The following OVOL3 variants were observed in gnomAD, a reference collection of about 807,000 sequenced individuals.
OVOL3 encodes putative transcription factor ovo-like protein 3.
OVOL3 carries 15 observed loss-of-function variants against 13.6 expected under a neutral mutation model. The ratio of observed to expected loss-of-function variants is 1.11; its 90% CI spans 0.74 to 1.70. The LOEUF is 1.70. Ranked by LOEUF, OVOL3 falls within the 40% of genes most tolerant of loss-of-function variation. The pLI is 0.00. For missense variants in OVOL3, 290 were observed against 280.6 expected, an observed-to-expected ratio of 1.03 and a Z score of -0.24; for synonymous variants, 102 against 108.5, an observed-to-expected ratio of 0.94 and a Z score of 0.37.
rs950796468 is a variant in OVOL3 at position 36,112,928 on chromosome 19, G to A, written c.328G>A (p.Ala110Thr). ...CRCCGKGFHD[A>T]FDLKRHMRTH... is the part of the protein sequence containing the mutation. ...CTGTTGTGGCAAGGGCTTTCATGAC[G>A]CCTTCGATCTCAAGCGCCACATGAG... Residue 110 changes from alanine to threonine, a missense_variant, in exon 3 of 4, where the codon GCC (alanine) becomes ACC (threonine). Coordinates refer to ENST00000633214, the MANE Select transcript of OVOL3 (RefSeq NM_001302757.2). 2.9e-5 allele frequency: 44 copies of A among 1,536,186 alleles called. No individual in the cohort carries two copies. The highest frequency in any genetic ancestry group is 3.7e-5 in the Non-Finnish European group (42 of 1,146,954).
Position 36,113,449 on chromosome 19 carries a change from G to T in OVOL3, c.365-4G>T, listed in dbSNP as rs1973874669. On this transcript the variant is annotated splice_polypyrimidine_tract_variant and splice_region_variant and intron_variant, in intron 3 of 3. Transcript: ENST00000633214. ...AGCCCTCCCCTCTGCGCCCATCTGT[G>T]CAGGGATCCGGCCCTTCCGCTGCAG... The T allele has an allele frequency of 6.5e-7, 1 of 1,533,728 alleles. No homozygotes were observed. The highest frequency in any genetic ancestry group is 2.0e-5 in the Admixed American group (1 of 50,960).
At position 36,113,472 on chromosome 19, in the gene OVOL3, C is replaced by G; in HGVS notation, c.384C>G (p.Cys128Trp). Residue 128 changes from cysteine (C) to tryptophan (W), a missense_variant, in exon 4 of 4, where the codon TGC becomes TGG. By Grantham distance (215) the Cys-to-Trp change is radical. Transcript: ENST00000633214. Reference protein sequence around the residue: ...RTHTGIRPFRCSACGKAFTQR... With the variant: ...RTHTGIRPFRWSACGKAFTQR... ...GTGCAGGGATCCGGCCCTTCCGCTG[C>G]AGTGCTTGCGGGAAAGCGTTTACGC... 6.5e-7 allele frequency: 1 copy of G among 1,535,426 alleles called. No individual in the cohort carries two copies. Among genetic ancestry groups the G allele is most frequent in the Non-Finnish European group, 8.7e-7 (1 of 1,146,290 alleles).
At chr19:36,112,722 TCCAG>T (rs1461744840) in intron 2 of OVOL3, 34 bp from the exon 3 acceptor site, 1 of 1,491,628 alleles carries the variant, frequency 6.7e-7, no homozygotes, top group Non-Finnish European at 9.0e-7. Context: ...GTGGATGGGG[TCCAG>T]CCAGAGAGGC....
At position 36,112,751 on chromosome 19, in the gene OVOL3, T is replaced by A. The variant is rs1231967201; in HGVS notation, c.160-9T>A. The A allele has an allele frequency of 1.3e-6, 2 of 1,531,190 alleles. No homozygotes were observed. Among genetic ancestry groups the A allele is most frequent in the African/African-American group, 2.7e-5 (2 of 73,030 alleles). 94.9% of individuals were successfully genotyped at this position (1,531,190 alleles called of 1,614,324 possible). A position where few individuals can be genotyped will look rare whatever the true frequency, so the allele number is the denominator to read the frequency against. On this transcript the variant is annotated splice_polypyrimidine_tract_variant and intron_variant, in intron 2 of 3. Transcript: ENST00000633214. ...GCCAGAGAGGCTAATAACTCCTGCATCCCTCCAGCAGCCCACACAGGGCAA... is the reference window on the plus strand; with the variant it reads ...GCCAGAGAGGCTAATAACTCCTGCAACCCTCCAGCAGCCCACACAGGGCAA...
intron 3 of OVOL3, 144 bp from the exon 4 acceptor site, chr19:36,113,309 G>A (rs2145902075): frequency 1.2e-6 from 1 of 853,602 alleles, no homozygotes; most frequent in East Asian, 2.7e-5. Flanking sequence ...GACGGTAGCA[G>A]ATGGTGGGTC....
At chr19:36,112,419 C>G (rs970797392) in intron 2 of OVOL3, among the ~76,000 whole-genome samples, 4 of 152,040 alleles carry the variant, frequency 2.6e-5, no homozygotes, top group African/African-American at 7.2e-5. Context: ...CGTGGGGAGG[C>G]TGAGGCACTA....
At position 36,113,666 on chromosome 19, in the gene OVOL3, G is replaced by A; in HGVS notation, c.*5G>A. The A allele has an allele frequency of 6.5e-7, 1 of 1,549,426 alleles. No homozygotes were observed. Among genetic ancestry groups the A allele is most frequent in the Non-Finnish European group, 8.7e-7 (1 of 1,145,690 alleles). ...GCCCTGCACCGCGCAGCCTGATACG[G>A]TGTGCCAGCGTCCTCCCCACGAGGC... On this transcript the variant is annotated 3_prime_UTR_variant, in exon 4 of 4. Coordinates refer to ENST00000633214, the MANE Select transcript of OVOL3 (RefSeq NM_001302757.2).
intron 2 of OVOL3, chr19:36,111,929 A>C (rs936057513): frequency 1.1e-5 from 5 of 442,504 alleles, no homozygotes; most frequent in Non-Finnish European, 2.3e-5. Flanking sequence ...ATAGACAATA[A>C]AATTAGTCAG....
At position 36,113,438 on chromosome 19, in the gene OVOL3, C is replaced by T. The variant is rs748107757; in HGVS notation, c.365-15C>T. The T allele has an allele frequency of 5.9e-6, 9 of 1,528,678 alleles. No homozygotes were observed. The highest frequency in any genetic ancestry group is 7.9e-6 in the Non-Finnish European group (9 of 1,140,858). The allele number at this position is 1,528,678 out of a possible 1,614,324, so 94.7% of individuals were successfully genotyped here. A position where few individuals can be genotyped will look rare whatever the true frequency, so the allele number is the denominator to read the frequency against. ...CCTCTCTGTCCAGCCCTCCCCTCTG[C>T]GCCCATCTGTGCAGGGATCCGGCCC... On this transcript the variant is annotated splice_polypyrimidine_tract_variant and intron_variant, in intron 3 of 3. Coordinates refer to ENST00000633214, the MANE Select transcript of OVOL3 (RefSeq NM_001302757.2).
intron 2 of OVOL3, among the ~76,000 whole-genome samples, chr19:36,112,309 C>G (rs1449936748): frequency 2.0e-5 from 3 of 152,156 alleles, no homozygotes; most frequent in Non-Finnish European, 4.4e-5. Context: ...TGCTTGAGGT[C>G]AGGAATTCAA....
rs1030886908 is a variant in OVOL3 at position 36,113,574 on chromosome 19, G to C, written c.486G>C (p.Glu162Asp). ...PASYAYRERR[E>D]KLHVCEDCGF... ...GCTACGCTTACCGTGAGCGCCGCGAGAAGCTGCACGTGTGCGAGGACTGCG... is the reference window on the plus strand; with the variant it reads ...GCTACGCTTACCGTGAGCGCCGCGACAAGCTGCACGTGTGCGAGGACTGCG... The change falls in exon 4 of 4, where the codon GAG becomes GAC. Residue 162 changes from glutamate (E) to aspartate (D), a missense_variant. By Grantham distance (45) the Glu-to-Asp change is conservative (BLOSUM62 2). Coordinates refer to ENST00000633214, the MANE Select transcript of OVOL3 (RefSeq NM_001302757.2). 5.2e-6 allele frequency: 8 copies of C among 1,538,176 alleles called. No homozygotes were observed. Among genetic ancestry groups the C allele is most frequent in the African/African-American group, 1.4e-5 (1 of 73,170 alleles).
rs1434341611 is a variant in OVOL3, at chr19:36,112,734, G to C, written c.160-26G>C. 2.0e-6 allele frequency: 3 copies of C among 1,518,960 alleles called. No individual in the cohort carries two copies. The South Asian group carries it at 3.6e-5, about 18-fold the overall frequency. The allele number at this position is 1,518,960 out of a possible 1,614,324, so 94.1% of individuals were successfully genotyped here. ...AGGGTGGATGGGGTCCAGCCAGAGA[G>C]GCTAATAACTCCTGCATCCCTCCAG... is the stretch of plus-strand genomic sequence containing the variant. On this transcript the variant is annotated intron_variant, in intron 2 of 3. Coordinates refer to ENST00000633214, the MANE Select transcript of OVOL3 (RefSeq NM_001302757.2).
rs186078536 is a variant in OVOL3, at chr19:36,113,620, G to A, written c.532G>A (p.Asp178Asn). The A allele has an allele frequency of 1.4e-4, 221 of 1,544,636 alleles. No individual in the cohort carries two copies. The African/African-American group carries it at 2.4e-3, about 17-fold the overall frequency. The change falls in exon 4 of 4, where the codon GAC (aspartate) becomes AAC (asparagine). Residue 178 changes from aspartate (D) to asparagine (N), a missense_variant. By Grantham distance (23) the Asp-to-Asn change is conservative. Coordinates refer to ENST00000633214, the MANE Select transcript of OVOL3 (RefSeq NM_001302757.2). ...CTGCGGCTTCACCAGCTCCCGGCCC[G>A]ACACCTACGCACAGCACCGCGCCCT... The part of the protein sequence containing the change: ...EDCGFTSSRP[D>N]TYAQHRALHR...
rs749580258 is a variant in OVOL3, at chr19:36,113,523, T to G, written c.435T>G (p.Leu145=). The G allele has an allele frequency of 1.8e-4, 275 of 1,536,102 alleles. No individual in the cohort carries two copies. Among genetic ancestry groups the G allele is most frequent in the Non-Finnish European group, 2.2e-4 (248 of 1,146,896 alleles). The change falls in exon 4 of 4, where the codon CTT becomes CTG. Residue 145 remains leucine, a synonymous_variant. Transcript: ENST00000633214. The part of the protein sequence containing the change: ...FTQRCSLEAH[L]AKVHGQPASY... ...AGCGCTGCTCCCTGGAAGCTCACCT[T>G]GCTAAGGTGCATGGACAGCCGGCCA...
chr19:36,113,451 A>G lies in OVOL3; in HGVS notation c.365-2A>G. The G allele has an allele frequency of 6.5e-7, 1 of 1,533,688 alleles. No individual in the cohort carries two copies. The highest frequency in any genetic ancestry group is 8.7e-7 in the Non-Finnish European group (1 of 1,144,868). On this transcript the variant is annotated splice_acceptor_variant, in intron 3 of 3. Transcript: ENST00000633214. LOFTEE classifies it high-confidence loss of function. ...CCCTCCCCTCTGCGCCCATCTGTGCAGGGATCCGGCCCTTCCGCTGCAGTG... is the reference window on the plus strand; with the variant it reads ...CCCTCCCCTCTGCGCCCATCTGTGCGGGGATCCGGCCCTTCCGCTGCAGTG...
At position 36,113,323 on chromosome 19, in the gene OVOL3, G is replaced by C. The variant is rs934952533; in HGVS notation, c.365-130G>C. 9.0e-5 allele frequency: 86 copies of C among 958,816 alleles called. No individual in the cohort carries two copies. In the Middle Eastern group the frequency reaches 3.2e-3, roughly 36 times the overall value. The allele number at this position is 958,816 out of a possible 1,614,324, so 59.4% of individuals were successfully genotyped here. The stretch of plus-strand genomic sequence containing the variant: ...TGACGGTAGCAGATGGTGGGTCATG[G>C]GCGGAAGAGTCTGAAGAGCTTGGAA... On this transcript the variant is annotated intron_variant, in intron 3 of 3. Transcript: ENST00000633214.
In OVOL3 at chr19:36,111,301, G is replaced by A. The variant is rs1163503722; in HGVS notation, c.94+5G>A. ...GGGGAGATGCCTATATCCCAGGTGG[G>A]CCCCTCACTGTGCCTGGAGGTAAGG... On this transcript the variant is annotated splice_donor_5th_base_variant and intron_variant, in intron 1 of 3. Coordinates refer to ENST00000633214, the MANE Select transcript of OVOL3 (RefSeq NM_001302757.2). 6.5e-7 allele frequency: 1 copy of A among 1,535,874 alleles called. No homozygotes were observed. The highest frequency in any genetic ancestry group is 2.0e-5 in the Admixed American group (1 of 50,980).
intron 2 of OVOL3, chr19:36,111,919 A>G (rs1219592185): frequency 2.2e-6 from 1 of 447,442 alleles, no homozygotes; most frequent in African/African-American, 2.0e-5. Context: ...GGCTGCATGT[A>G]TAGACAATAA....
At chr19:36,111,799 C>T (rs1025976702) in intron 2 of OVOL3, 3 of 485,672 alleles carry the variant, frequency 6.2e-6, no homozygotes, top group Admixed American at 2.3e-5. Flanking sequence ...AAGCGCCAGC[C>T]GGAATGTAAT....
Sources: gnomAD v4.1 joint callset for allele counts (sites outside exome capture counted in the v4.1 genomes callset) on GRCh38, gnomAD v4.1.1 for gene constraint, MANE v1.5 for transcripts, NCBI Gene and HGNC (gene_info 2026-07-23, HGNC 2026-07-21) for gene names.